The following ANKS1B variants were observed in gnomAD, a reference collection of about 807,000 sequenced individuals.
The protein encoded by ANKS1B is ankyrin repeat and sterile alpha motif domain-containing protein 1B.
ANKS1B carries 36 observed loss-of-function variants against 148.3 expected under a neutral mutation model. The ratio of observed to expected loss-of-function variants is 0.24; its 90% CI spans 0.19 to 0.32. The LOEUF is 0.32. ANKS1B is among the 10% of genes least tolerant of loss of function. The pLI is 1.00. For synonymous variants in ANKS1B, 542 were observed against 560.8 expected (o/e 0.97, Z 0.47); for missense variants, 1,157 against 1,542.6 (o/e 0.75, Z 4.19).
intron 11 of ANKS1B, among the ~76,000 whole-genome samples, chr12:99,405,316 A>C (rs561828904): frequency 6.9e-6 from 1 of 145,280 alleles, no homozygotes; most frequent in East Asian, 1.9e-4. Context: ...ACTGATAATA[A>C]CAAGTATGAA....
intron 12 of ANKS1B, among the ~76,000 whole-genome samples, chr12:99,388,509 G>A (rs1228580782): frequency 6.6e-6 from 1 of 152,140 alleles, no homozygotes; most frequent in Non-Finnish European, 1.5e-5. Flanking sequence ...TGGAGAGAGG[G>A]ACAGACACTC....
chr12:99,682,132 A>T (rs991886174), intron 8 of ANKS1B, among the ~76,000 whole-genome samples: 8 of 152,242 alleles, frequency 5.3e-5, no homozygotes, highest in African/African-American at 1.9e-4. Context: ...AGACCTAAGA[A>T]ATGAGACAGA....
intron 12 of ANKS1B, among the ~76,000 whole-genome samples, chr12:99,381,756 C>T (rs2093651989): frequency 6.6e-6 from 1 of 152,150 alleles, no homozygotes; most frequent in South Asian, 2.1e-4. Flanking sequence ...AGGTGGAAAA[C>T]CGACTGCAAC....
chr12:98,892,956 G>C (rs1474878900), intron 17 of ANKS1B, among the ~76,000 whole-genome samples: 1 of 152,178 alleles, frequency 6.6e-6, no homozygotes, highest in East Asian at 1.9e-4. Flanking sequence ...CTCCAATGCA[G>C]TAACATTAAG....
chr12:99,055,391 C>T (rs1008320789), intron 16 of ANKS1B, among the ~76,000 whole-genome samples: 9 of 152,138 alleles, frequency 5.9e-5, no homozygotes, highest in Admixed American at 2.0e-4. Flanking sequence ...AGCAGATACT[C>T]GGGAAAAGCT....
At chr12:99,144,173 A>C (rs1416773484) in intron 15 of ANKS1B, among the ~76,000 whole-genome samples, 2 of 152,014 alleles carry the variant, frequency 1.3e-5, no homozygotes, top group Non-Finnish European at 2.9e-5. Context: ...CCTAATCATC[A>C]ATTTCCTTGG....
intron 17 of ANKS1B, among the ~76,000 whole-genome samples, chr12:99,017,639 A>C (rs2099943318): frequency 6.6e-6 from 1 of 152,142 alleles, no homozygotes; most frequent in African/African-American, 2.4e-5. Context: ...AGTGGCACCC[A>C]TTCCCTAGCC....
Position 98,744,506 on chromosome 12 carries a change from T to C in ANKS1B, c.*1233A>G. Reference sequence around the variant, plus strand: ...TTTCTATAATGATATTGGTACTGTTTATATAATTTGATTCTACATAAATAT... The same window carrying C: ...TTTCTATAATGATATTGGTACTGTTCATATAATTTGATTCTACATAAATAT... On this transcript the variant is annotated 3_prime_UTR_variant, in exon 27 of 27. Transcript: ENST00000683438. 1.7e-6 allele frequency: 1 copy of C among 598,164 alleles called. No individual in the cohort carries two copies. The highest frequency in any genetic ancestry group is 2.0e-5 in the African/African-American group (1 of 50,010). 37.1% of individuals were successfully genotyped at this position (598,164 alleles called of 1,614,324 possible). A position where few individuals can be genotyped will look rare whatever the true frequency, so the allele number is the denominator to read the frequency against.
At chr12:99,147,010 G>A (rs1274182736) in intron 15 of ANKS1B, among the ~76,000 whole-genome samples, 2 of 152,120 alleles carry the variant, frequency 1.3e-5, no homozygotes, top group African/African-American at 2.4e-5. Context: ...TAGCTGTGTT[G>A]TGTAGTTGCA....
chr12:99,910,316 C>G (rs2093955424), intron 1 of ANKS1B, among the ~76,000 whole-genome samples: 1 of 132,956 alleles, frequency 7.5e-6, no homozygotes, highest in South Asian at 2.3e-4. Context: ...GATCGCACCA[C>G]TGCATTCCAG....
At chr12:98,793,901 C>T (rs765562931) in intron 22 of ANKS1B, among the ~76,000 whole-genome samples, 103 of 152,194 alleles carry the variant, frequency 6.8e-4, no homozygotes, top group Non-Finnish European at 1.2e-3. Context: ...ATGGGTAAGC[C>T]TAGGGAGGCA....
chr12:99,224,488 G>C (rs2085573455), intron 14 of ANKS1B, among the ~76,000 whole-genome samples: 2 of 152,076 alleles, frequency 1.3e-5, no homozygotes, highest in South Asian at 4.1e-4. Flanking sequence ...TTGTTTAAAA[G>C]TATGCAGCAC....
At chr12:99,661,060 A>G (rs1324538350) in intron 8 of ANKS1B, among the ~76,000 whole-genome samples, 1 of 152,178 alleles carries the variant, frequency 6.6e-6, no homozygotes, top group Non-Finnish European at 1.5e-5. Context: ...GCATGATGAA[A>G]TAACAAAGGA....
chr12:99,314,497 A>T (rs1300310413), intron 12 of ANKS1B, among the ~76,000 whole-genome samples: 1 of 152,206 alleles, frequency 6.6e-6, no homozygotes, highest in Non-Finnish European at 1.5e-5. Context: ...TGGAGTCATC[A>T]TGCTACCTGA....
intron 10 of ANKS1B, among the ~76,000 whole-genome samples, chr12:99,446,953 T>C (rs2095646900): frequency 6.6e-6 from 1 of 152,042 alleles, no homozygotes; most frequent in Admixed American, 6.6e-5. Context: ...TGGACATGTG[T>C]TGAAATGTCC....
In ANKS1B at chr12:98,829,534, C is replaced by T. The variant is rs1476847236; in HGVS notation, c.2887-181G>A. Among the ~76,000 whole-genome samples the T allele has an allele frequency of 6.6e-6, 1 of 152,106 alleles. No homozygotes were observed. Among genetic ancestry groups the T allele is most frequent in the African/African-American group, 2.4e-5 (1 of 41,402 alleles). On this transcript the variant is annotated intron_variant, in intron 18 of 26. Coordinates refer to ENST00000683438, the MANE Select transcript of ANKS1B (RefSeq NM_001352186.2). This position sits in a 1 kb window ranked among gnomAD's most constrained non-coding sequence, Gnocchi z 5.2. ...CATGATCTAGTCAATACGTTTTTCC[C>T]CTAAGTATTTCAGGTCAAAGGTCTG...
chr12:99,126,801 A>G (rs7972642), intron 15 of ANKS1B, among the ~76,000 whole-genome samples: 99,689 of 152,136 alleles, frequency 0.66, 32,907 homozygotes, highest in East Asian at 0.75. Context: ...CAAAGAAGTT[A>G]CTCTACATGA....
At chr12:99,682,328 T>C (rs1235334204) in intron 8 of ANKS1B, among the ~76,000 whole-genome samples, 1 of 152,168 alleles carries the variant, frequency 6.6e-6, no homozygotes, top group Non-Finnish European at 1.5e-5. Context: ...CATCATCACA[T>C]GGAACATTTT....
chr12:99,359,000 A>G (rs1312809786), intron 12 of ANKS1B, among the ~76,000 whole-genome samples: 1 of 152,174 alleles, frequency 6.6e-6, no homozygotes. Context: ...ACTAAAATCT[A>G]AAGTGTGTGA....
Sources: allele counts gnomAD v4.1 joint callset (sites outside exome capture counted in the v4.1 genomes callset), GRCh38; gene constraint gnomAD v4.1.1; non-coding constraint Gnocchi (gnomAD v3.1); transcripts MANE v1.5; gene names NCBI Gene and HGNC (gene_info 2026-07-23, HGNC 2026-07-21).